KIF24: variants seen among roughly 807,000 people sequenced by gnomAD.
The protein encoded by KIF24 is kinesin family member 24, also known as kinesin-like protein KIF24.
Under a neutral mutation model 118.9 loss-of-function variants are expected in KIF24, and 81 were observed. The observed-to-expected ratio is 0.68, with a 90% CI of 0.57 to 0.82. The LOEUF (loss-of-function observed/expected upper bound fraction) is 0.82. KIF24 is among the 40% of genes least tolerant of loss of function. The pLI is 0.00. For synonymous variants in KIF24, 599 were observed against 610.0 expected, an observed-to-expected ratio of 0.98 and a Z score of 0.27; for missense variants, 1,560 against 1,661.6, an observed-to-expected ratio of 0.94 and a Z score of 1.06.
rs1363787565 is a variant in KIF24, at chr9:34,306,170, T to A, written c.813+82A>T. The A allele has an allele frequency of 1.3e-5, 11 of 862,682 alleles. No homozygotes were observed. In the East Asian group the frequency reaches 2.4e-4, roughly 19 times the overall value. The allele number at this position is 862,682 out of a possible 1,614,324, so 53.4% of individuals were successfully genotyped here. On this transcript the variant is annotated intron_variant, in intron 3 of 12. Coordinates refer to ENST00000402558, the MANE Select transcript of KIF24 (RefSeq NM_194313.4). ...TTTTCAGTGTTCTAACAGAAACTTG[T>A]ATGCCACCACTCAAACAAAAAGCAA...
intron 6 of KIF24, among the ~76,000 whole-genome samples, chr9:34,277,116 T>C (rs908869521): frequency 2.0e-5 from 3 of 152,164 alleles, no homozygotes; most frequent in African/African-American, 7.2e-5. Flanking sequence ...TTGGAAAATA[T>C]AGGAAAAGGA....
upstream of KIF24, among the ~76,000 whole-genome samples, chr9:34,330,279 C>A (rs1353598277): frequency 6.6e-6 from 1 of 152,154 alleles, no homozygotes; most frequent in East Asian, 1.9e-4. Context: ...GTGGCGGGCA[C>A]GTATAGTCCC....
In KIF24 at chr9:34,256,121, GA is replaced by G; in HGVS notation, c.3485del (p.Phe1162SerfsTer102). 6.2e-7 allele frequency: 1 copy of G among 1,609,620 alleles called. No homozygotes were observed. Among genetic ancestry groups the G allele is most frequent in the African/African-American group, 1.3e-5 (1 of 74,934 alleles). On this transcript the variant is annotated frameshift_variant, in exon 11 of 13. Transcript: ENST00000402558. LOFTEE classifies it high-confidence loss of function. ...EACQSRETVL[F>X]SHEHMGSEQY... ...GCTCACTACCCATGTGTTCGTGGGA[GA>G]AAAGTACAGTCTCTCTGCTCTGGCA...
At chr9:34,317,043 C>T (rs932094809) in intron 1 of KIF24, among the ~76,000 whole-genome samples, 3 of 151,996 alleles carry the variant, frequency 2.0e-5, no homozygotes, top group Non-Finnish European at 4.4e-5. Flanking sequence ...AGTGAAACGC[C>T]GTCTCTGCTA....
intron 6 of KIF24, among the ~76,000 whole-genome samples, chr9:34,281,703 A>G (rs1040580200): frequency 3.0e-4 from 46 of 152,298 alleles, no homozygotes; most frequent in African/African-American, 1.1e-3. Flanking sequence ...CATTTCTACA[A>G]TGCCAAACCT....
chr9:34,306,573 T>C (rs7032930), intron 2 of KIF24, 132 bp from the exon 3 acceptor site: 448,698 of 572,122 alleles, frequency 0.78, 177,768 homozygotes, highest in East Asian at 0.95. Flanking sequence ...GAGGCCGAGG[T>C]GGGCGGATCA....
chr9:34,299,339 C>A (rs961695500), intron 3 of KIF24, among the ~76,000 whole-genome samples: 1 of 151,806 alleles, frequency 6.6e-6, no homozygotes, highest in Non-Finnish European at 1.5e-5. Context: ...CGCCACCACG[C>A]CTGGCTGATT....
chr9:34,319,686 G>A, intron 1 of KIF24: 2 of 745,120 alleles, frequency 2.7e-6, no homozygotes, highest in Non-Finnish European at 4.8e-6. Context: ...ATGGCAGGAG[G>A]CAGCCAAAGG....
chr9:34,319,246 AAAAAGC>A, intron 1 of KIF24: 1 of 1,383,656 alleles, frequency 7.2e-7, no homozygotes, highest in Non-Finnish European at 1.0e-6. Context: ...TCGAGGCCTT[AAAAAGC>A]TGGTAACCAA....
chr9:34,266,452 G>A (rs1393524980), intron 8 of KIF24, among the ~76,000 whole-genome samples: 3 of 152,074 alleles, frequency 2.0e-5, no homozygotes, highest in South Asian at 2.1e-4. Context: ...GCCGAAGCAG[G>A]CGAATCACGA....
In KIF24 at chr9:34,257,925, C is replaced by T. The variant is rs185911062; in HGVS notation, c.1682G>A (p.Arg561Gln). The T allele has an allele frequency of 2.9e-5, 46 of 1,613,846 alleles. No individual in the cohort carries two copies. The highest frequency in any genetic ancestry group is 1.6e-4 in the Middle Eastern group (1 of 6,062). Residue 561 changes from arginine (R) to glutamine (Q), a missense_variant, in exon 11 of 13, where the codon CGG becomes CAG. Physicochemically the swap from Arg to Gln is conservative, Grantham distance 43. Around this residue, in one of 3 missense-constraint regions of KIF24, gnomAD observed 964 missense variants for 988.0 expected, o/e 0.98. Coordinates refer to ENST00000402558, the MANE Select transcript of KIF24 (RefSeq NM_194313.4). Reference sequence around the variant, plus strand: ...TTTTGGAGAGGAGTTTCCAGATGTCCGATTTCGACTGGTAACTGAAGTGCA... The same window carrying T: ...TTTTGGAGAGGAGTTTCCAGATGTCTGATTTCGACTGGTAACTGAAGTGCA... ...KCCTSVTSRN[R>Q]TSGNSSPKRI...
In KIF24 at chr9:34,319,305, C is replaced by T. The variant is rs185870783; in HGVS notation, c.-25-7934G>A. The T allele has an allele frequency of 2.5e-4, 239 of 969,574 alleles. 3 individuals are homozygous for T. In the African/African-American group the frequency reaches 3.0e-3, roughly 12 times the overall value. The allele number at this position is 969,574 out of a possible 1,614,324, so 60.1% of individuals were successfully genotyped here. A position where few individuals can be genotyped will look rare whatever the true frequency, so the allele number is the denominator to read the frequency against. ...GGATGGGGAAGAAGCAGAAGCCTGT[C>T]GCCATCTCCTTGCCCAAGCGGGTGG... On this transcript the variant is annotated intron_variant, in intron 1 of 12. Transcript: ENST00000402558.
intron 8 of KIF24, among the ~76,000 whole-genome samples, chr9:34,266,673 ATC>A: frequency 6.8e-6 from 1 of 146,290 alleles, no homozygotes; most frequent in South Asian, 2.2e-4. Context: ...GTGAGACTCC[ATC>A]TCAGAAAAAA....
In KIF24 at chr9:34,318,502, A is replaced by T; in HGVS notation, c.-25-7131T>A. 1.2e-6 allele frequency: 1 copy of T among 856,622 alleles called. No homozygotes were observed. Among genetic ancestry groups the T allele is most frequent in the Non-Finnish European group, 1.9e-6 (1 of 520,530 alleles). The allele number at this position is 856,622 out of a possible 1,614,324, so 53.1% of individuals were successfully genotyped here. A position where few individuals can be genotyped will look rare whatever the true frequency, so the allele number is the denominator to read the frequency against. On this transcript the variant is annotated intron_variant, in intron 1 of 12. Coordinates refer to ENST00000402558, the MANE Select transcript of KIF24 (RefSeq NM_194313.4). The surrounding 1 kb of genome is among the most constrained non-coding windows in gnomAD (Gnocchi z 4.9). ...CAGCCACAGCAGCTCCTGGCACCGC[A>T]GAGAAGCTGAGCCCCAAGGCAGCCA...
At chr9:34,262,990 GC>G in intron 9 of KIF24, 110 bp downstream of exon 9, 1 of 772,696 alleles carries the variant, frequency 1.3e-6, no homozygotes, top group Non-Finnish European at 2.3e-6. Flanking sequence ...TCCCCACTGT[GC>G]CCAGCATCAT....
rs749208421 is a variant in KIF24 at position 34,259,590 on chromosome 9, A to ACTTAC, written c.1625+1_1625+5dup. 4.3e-6 allele frequency: 7 copies of ACTTAC among 1,611,150 alleles called. No individual in the cohort carries two copies. Among genetic ancestry groups the ACTTAC allele is most frequent in the Non-Finnish European group, 5.9e-6 (7 of 1,177,460 alleles). On this transcript the variant is annotated splice_donor_region_variant and intron_variant, in intron 10 of 12. Transcript: ENST00000402558. Reference sequence around the variant, plus strand: ...CACACAACCTGCCATCTGGGAGCTGACTTACCGGTCAGCATAGCGCAAGGT... The same window carrying ACTTAC: ...CACACAACCTGCCATCTGGGAGCTGACTTACCTTACCGGTCAGCATAGCGCAAGGT...
chr9:34,257,803 C>G lies in KIF24; in HGVS notation c.1804G>C (p.Gly602Arg). The G allele has an allele frequency of 5.0e-6, 8 of 1,614,016 alleles. No individual in the cohort carries two copies. The highest frequency in any genetic ancestry group is 3.4e-6 in the Non-Finnish European group (4 of 1,179,884). Residue 602 changes from glycine to arginine, a missense_variant, in exon 11 of 13, where the codon GGT (glycine) becomes CGT (arginine). Gly to Arg is a moderately radical substitution (Grantham distance 125). Around this residue, in one of 3 missense-constraint regions of KIF24, gnomAD observed 964 missense variants for 988.0 expected, o/e 0.98. Coordinates refer to ENST00000402558, the MANE Select transcript of KIF24 (RefSeq NM_194313.4). ...GGATGGACCTTCCCTCTCGTGGAAC[C>G]AGGGGCTGCCACTGTGAGTGACTGC... ...FQQSLTVAAP[G>R]STRGKVHPLT...
intron 1 of KIF24, among the ~76,000 whole-genome samples, chr9:34,321,321 G>A (rs555196820): frequency 6.6e-6 from 1 of 151,732 alleles, no homozygotes; most frequent in Non-Finnish European, 1.5e-5. Context: ...AAAAAAAACC[G>A]AGGACTCAGT....
Position 34,256,629 on chromosome 9 carries a change from G to A in KIF24, c.2978C>T (p.Ala993Val). 1.2e-6 allele frequency: 2 copies of A among 1,613,904 alleles called. No individual in the cohort carries two copies. Among genetic ancestry groups the A allele is most frequent in the South Asian group, 1.1e-5 (1 of 91,086 alleles). The change falls in exon 11 of 13, where the codon GCA (alanine) becomes GTA (valine). Residue 993 changes from alanine (A) to valine (V), a missense_variant. Physicochemically the swap from Ala to Val is moderately conservative, Grantham distance 64. This residue lies in a region of KIF24 where 591 missense variants were observed against 655.6 expected (regional missense o/e 0.90). Transcript: ENST00000402558. Reference protein sequence around the residue: ...DGFTISLSHVAVPGSPDQRDT... With the variant: ...DGFTISLSHVVVPGSPDQRDT... ...TCTTTGGTCTGGGGATCCAGGAACT[G>A]CAACGTGGGACAATGAGATAGTGAA...
Sources: gnomAD v4.1 joint callset for allele counts (sites outside exome capture counted in the v4.1 genomes callset) on GRCh38, gnomAD v4.1.1 for gene constraint, gnomAD v4.1.1 regional missense constraint, Gnocchi (gnomAD v3.1) non-coding constraint, MANE v1.5 for transcripts, NCBI Gene and HGNC (gene_info 2026-07-23, HGNC 2026-07-21) for gene names.